ABCA1: variants seen among roughly 807,000 people sequenced by gnomAD.
ABCA1 encodes the protein ATP binding cassette subfamily A member 1.
Under a neutral mutation model 262.5 loss-of-function variants are expected in ABCA1, and 133 were observed. The observed-to-expected ratio is 0.51, with a 90% CI of 0.44 to 0.59. The LOEUF (loss-of-function observed/expected upper bound fraction) is 0.59. Among genes scored for constraint, ABCA1 ranks in the 20% least tolerant of loss-of-function variants. ABCA1 has a pLI of 0.00. For missense variants in ABCA1, 2,452 were observed against 2,777.5 expected, an observed-to-expected ratio of 0.88 and a Z score of 2.63; for synonymous variants, 1,022 against 1,043.5, an observed-to-expected ratio of 0.98 and a Z score of 0.40.
At chr9:104,836,066 G>A (rs1202610753) in intron 11 of ABCA1, among the ~76,000 whole-genome samples, 1 of 152,182 alleles carries the variant, frequency 6.6e-6, no homozygotes, top group Non-Finnish European at 1.5e-5. Flanking sequence ...TTAATGGCAT[G>A]AGCTATATTA....
rs138604444 is a variant in ABCA1 at position 104,812,201 on chromosome 9, C to T, written c.4050+373G>A. On this transcript the variant is annotated intron_variant, in intron 28 of 49. Coordinates refer to ENST00000374736, the MANE Select transcript of ABCA1 (RefSeq NM_005502.4). Reference sequence around the variant, plus strand: ...ACTCTCATGTTATGACAGCTGAATACACCCAACCAGTTTTTCTACACTTTG... The same window carrying T: ...ACTCTCATGTTATGACAGCTGAATATACCCAACCAGTTTTTCTACACTTTG... Among the ~76,000 whole-genome samples the T allele has an allele frequency of 6.6e-3, 1,006 of 152,294 alleles. 9 individuals carry two copies. Among genetic ancestry groups the T allele is most frequent in the Admixed American group, 0.013 (203 of 15,298 alleles).
intron 24 of ABCA1, among the ~76,000 whole-genome samples, chr9:104,816,604 T>A (rs1831790163): frequency 1.1e-5 from 1 of 94,024 alleles, no homozygotes; most frequent in Admixed American, 1.5e-4. Flanking sequence ...GCTGGATGGG[T>A]GGATGGGTGA....
intron 6 of ABCA1, among the ~76,000 whole-genome samples, chr9:104,861,162 C>T (rs1183772956): frequency 6.6e-6 from 1 of 152,158 alleles, no homozygotes; most frequent in Non-Finnish European, 1.5e-5. Context: ...AAGCCTTATT[C>T]CCACAAGCTG....
At chr9:104,920,580 C>T (rs1263824764) in intron 1 of ABCA1, among the ~76,000 whole-genome samples, 2 of 152,142 alleles carry the variant, frequency 1.3e-5, no homozygotes, top group African/African-American at 2.4e-5. Flanking sequence ...GGCACCATCT[C>T]GGCTCACTGC....
intron 1 of ABCA1, among the ~76,000 whole-genome samples, chr9:104,905,294 C>T (rs998272147): frequency 1.3e-5 from 2 of 152,222 alleles, no homozygotes; most frequent in African/African-American, 4.8e-5. Context: ...CAAATGAGAT[C>T]TCCATGCCAA....
rs1257354723 is a variant in ABCA1, at chr9:104,824,597, T to TA, written c.2543-20dup. The TA allele has an allele frequency of 8.1e-6, 13 of 1,612,590 alleles. No individual in the cohort carries two copies. Among genetic ancestry groups the TA allele is most frequent in the African/African-American group, 1.3e-5 (1 of 74,862 alleles). On this transcript the variant is annotated intron_variant, in intron 17 of 49. Transcript: ENST00000374736. Reference sequence around the variant, plus strand: ...TACTGGCCTGAAAGCAAAGCACAGGTATGAGCCAAGCTCAGCATCATCCCA... The same window carrying TA: ...TACTGGCCTGAAAGCAAAGCACAGGTAATGAGCCAAGCTCAGCATCATCCCA...
intron 2 of ABCA1, among the ~76,000 whole-genome samples, chr9:104,894,663 C>T (rs1840048766): frequency 6.6e-6 from 1 of 152,204 alleles, no homozygotes; most frequent in South Asian, 2.1e-4. Flanking sequence ...TGAAGGGCTC[C>T]TTCTCTTCGC....
chr9:104,848,797 G>C (rs915419083), intron 7 of ABCA1, among the ~76,000 whole-genome samples: 11 of 152,046 alleles, frequency 7.2e-5, no homozygotes, highest in African/African-American at 2.4e-4. Flanking sequence ...GGTATATTCT[G>C]TGTCTGGTCC....
rs1003967395 is a variant in ABCA1 at position 104,785,506 on chromosome 9, G to A, written c.6535C>T (p.Gln2179Ter). ...KEKHRNMLQY[Q>*]LPSSLSSLAR... ...AGAGAAGATAATGAAGATGGAAGCT[G>A]GTATTGTAGCATGTTCCGGTGTTTC... Residue 2179 changes from glutamine (Q) to a stop codon, truncating the protein, a stop_gained, in exon 49 of 50, where the codon CAG becomes TAG. Coordinates refer to ENST00000374736, the MANE Select transcript of ABCA1 (RefSeq NM_005502.4). LOFTEE classifies it high-confidence loss of function. 1 of 1,613,646 alleles carries A rather than the reference G, an allele frequency of 6.2e-7. No individual in the cohort carries two copies. The highest frequency in any genetic ancestry group is 8.5e-7 in the Non-Finnish European group (1 of 1,179,712).
chr9:104,824,892 G>A (rs1317089340), intron 17 of ABCA1, among the ~76,000 whole-genome samples: 3 of 152,222 alleles, frequency 2.0e-5, no homozygotes, highest in Non-Finnish European at 4.4e-5. Context: ...TCCAGAATCT[G>A]CATGCTGCAA....
In ABCA1 at chr9:104,926,461, C is replaced by A. The variant is rs1289567970; in HGVS notation, c.-93+1474G>T. Among the ~76,000 whole-genome samples, 34 of 126,630 alleles carry A rather than the reference C, an allele frequency of 2.7e-4. 1 individual carries two copies. Among genetic ancestry groups the A allele is most frequent in the African/African-American group, 8.8e-4 (30 of 34,124 alleles). 83.1% of individuals were successfully genotyped at this position (126,630 alleles called of 152,430 possible). On this transcript the variant is annotated intron_variant, in intron 1 of 49. Transcript: ENST00000374736. ...GCAAACACGCTAACAAAAAAAAAAACCAAAAAAACAAAAAAAAAAAAACAA... is the reference window on the plus strand; with the variant it reads ...GCAAACACGCTAACAAAAAAAAAAAACAAAAAAACAAAAAAAAAAAAACAA...
intron 7 of ABCA1, among the ~76,000 whole-genome samples, chr9:104,847,607 A>T (rs1052583114): frequency 6.6e-6 from 1 of 152,156 alleles, no homozygotes; most frequent in Non-Finnish European, 1.5e-5. Flanking sequence ...TTTTTCTTCT[A>T]TTGAAATGTC....
At chr9:104,800,100 A>AG (rs1830205571) in intron 35 of ABCA1, 112 bp from the exon 36 acceptor site, 2 of 1,163,552 alleles carry the variant, frequency 1.7e-6, no homozygotes, top group African/African-American at 1.5e-5. Context: ...CTAGTCACAT[A>AG]CCAAGGCAAA....
chr9:104,884,537 T>C lies in ABCA1; in HGVS notation c.192A>G (p.Ala64=). ...CHFPNKAMPS[A]GTLPWVQGII... ...TCCCCTGAACCCAAGGAAGTGTTCC[T>C]GCAGAGGGCATGGCTTTATTTGGAA... is the stretch of plus-strand genomic sequence containing the variant. Residue 64 remains alanine, a synonymous_variant, in exon 4 of 50, where the codon GCA becomes GCG. Coordinates refer to ENST00000374736, the MANE Select transcript of ABCA1 (RefSeq NM_005502.4). 6.2e-7 allele frequency: 1 copy of C among 1,614,232 alleles called. No homozygotes were observed. Among genetic ancestry groups the C allele is most frequent in the Non-Finnish European group, 8.5e-7 (1 of 1,180,036 alleles).
At position 104,861,723 on chromosome 9, in the gene ABCA1, A is replaced by C; in HGVS notation, c.499T>G (p.Ser167Ala). The change falls in exon 6 of 50, where the codon TCT becomes GCT. Residue 167 changes from serine (S) to alanine (A), a missense_variant. By Grantham distance (99) the Ser-to-Ala change is moderately conservative (BLOSUM62 1). Coordinates refer to ENST00000374736, the MANE Select transcript of ABCA1 (RefSeq NM_005502.4). ...FLYHNLSLPKSTVDKMLRADV... is the reference protein window; with the variant it reads ...FLYHNLSLPKATVDKMLRADV... ...GCCCTCAGCATCTTGTCCACAGTAG[A>C]CTTTGGGAGAGAGAGGTTGTGATAC... The C allele has an allele frequency of 6.2e-7, 1 of 1,614,054 alleles. No individual in the cohort carries two copies. The highest frequency in any genetic ancestry group is 8.5e-7 in the Non-Finnish European group (1 of 1,180,004).
rs4149320 is a variant in ABCA1, at chr9:104,811,217, G to A, written c.4051-293C>T. On this transcript the variant is annotated intron_variant, in intron 28 of 49. Transcript: ENST00000374736. ...AGTAAATAGTGCTCACATTCAGGGT[G>A]ACTCAGAACACTGGGTCCTGCCCTT... 2.4e-3 allele frequency among the ~76,000 whole-genome samples: 367 copies of A among 152,358 alleles called. 16 individuals carry two copies. The East Asian group carries it at 0.063, about 26-fold the overall frequency.
intron 43 of ABCA1, among the ~76,000 whole-genome samples, chr9:104,791,357 A>G (rs747763178): frequency 1.3e-5 from 2 of 152,234 alleles, no homozygotes; most frequent in Non-Finnish European, 2.9e-5. Context: ...AGAAAGGAGA[A>G]AATCTATTTT....
intron 44 of ABCA1, among the ~76,000 whole-genome samples, chr9:104,788,941 C>T (rs1588197532): frequency 6.6e-6 from 1 of 152,244 alleles, no homozygotes; most frequent in African/African-American, 2.4e-5. Flanking sequence ...GCACCATTCA[C>T]ATGCACCAAA....
At chr9:104,869,920 A>C (rs1588460882) in intron 5 of ABCA1, among the ~76,000 whole-genome samples, 2 of 94,476 alleles carry the variant, frequency 2.1e-5, no homozygotes, top group Admixed American at 1.9e-4. Context: ...GTGTGGGTTA[A>C]GTTATCACTA....
Sources: allele counts gnomAD v4.1 joint callset (sites outside exome capture counted in the v4.1 genomes callset), GRCh38; gene constraint gnomAD v4.1.1; transcripts MANE v1.5; gene names NCBI Gene and HGNC (gene_info 2026-07-23, HGNC 2026-07-21).